KIAA0513: variants seen among roughly 807,000 people sequenced by gnomAD.
The protein encoded by KIAA0513 is KIAA0513, also known as uncharacterized protein KIAA0513.
A neutral mutation model predicts 56.5 loss-of-function variants in KIAA0513; 39 were observed. That is an observed-to-expected ratio of 0.69 (90% confidence interval 0.53 to 0.90). The LOEUF is 0.90. KIAA0513 is among the 40% of genes least tolerant of loss of function. The pLI is 0.00. For synonymous variants in KIAA0513, 268 were observed against 215.6 expected (o/e 1.24, Z -2.13); for missense variants, 591 against 535.2 (o/e 1.10, Z -1.03).
At chr16:85,030,156 C>T (rs1274740778) in intron 1 of KIAA0513, among the ~76,000 whole-genome samples, 2 of 152,224 alleles carry the variant, frequency 1.3e-5, no homozygotes, top group Non-Finnish European at 2.9e-5. Context: ...TTGAGGTAGT[C>T]TGCATGGACT....
intron 1 of KIAA0513, among the ~76,000 whole-genome samples, chr16:85,047,990 G>A (rs1329282881): frequency 6.6e-6 from 1 of 152,208 alleles, no homozygotes; most frequent in African/African-American, 2.4e-5. Context: ...GGCGGGGGTG[G>A]TGCTTACCCT....
intron 1 of KIAA0513, among the ~76,000 whole-genome samples, chr16:85,044,118 T>C (rs1284282870): frequency 6.6e-6 from 1 of 152,242 alleles, no homozygotes; most frequent in East Asian, 1.9e-4. Flanking sequence ...CTTAAAAACC[T>C]CAATAGGACA....
chr16:85,038,729 ATAAT>A (rs1597590841), intron 1 of KIAA0513, among the ~76,000 whole-genome samples: 3 of 122,736 alleles, frequency 2.4e-5, no homozygotes, highest in African/African-American at 1.1e-4. Context: ...AAAAATAATA[ATAAT>A]AATATCTTTG....
Position 85,047,803 on chromosome 16 carries a change from G to C in KIAA0513, c.-172-19097G>C, listed in dbSNP as rs184967595. On this transcript the variant is annotated intron_variant, in intron 1 of 12. Transcript: ENST00000683363. ...GCCTCTGGATATCGAGTTGTATTTA[G>C]TCCAGGCTGGGGATACCAGGGTCAG... 3.5e-3 allele frequency among the ~76,000 whole-genome samples: 527 copies of C among 152,278 alleles called. 2 individuals carry two copies. The highest frequency in any genetic ancestry group is 0.012 in the African/African-American group (502 of 41,560).
intron 1 of KIAA0513, among the ~76,000 whole-genome samples, chr16:85,035,640 G>T (rs1180095952): frequency 6.6e-6 from 1 of 152,124 alleles, no homozygotes; most frequent in Non-Finnish European, 1.5e-5. Flanking sequence ...ACAGGCATGT[G>T]CCACCATGCC....
chr16:85,046,951 T>C (rs1340982026), intron 1 of KIAA0513, among the ~76,000 whole-genome samples: 6 of 152,230 alleles, frequency 3.9e-5, no homozygotes, highest in Admixed American at 6.5e-5. Flanking sequence ...GATCATCTTT[T>C]CCCATGCGAG....
chr16:85,048,488 T>C (rs949827891), intron 1 of KIAA0513, among the ~76,000 whole-genome samples: 2 of 150,490 alleles, frequency 1.3e-5, no homozygotes, highest in Non-Finnish European at 1.5e-5. Context: ...AAAGCAGATC[T>C]CTCTCTCTCT....
intron 3 of KIAA0513, 96 bp from the exon 4 acceptor site, chr16:85,072,829 C>A: frequency 8.2e-7 from 1 of 1,213,194 alleles, no homozygotes; most frequent in Non-Finnish European, 1.2e-6. Context: ...ATCCCAGCTG[C>A]ATTTGGAAAC....
In KIAA0513 at chr16:85,076,058, G is replaced by A; in HGVS notation, c.574+144G>A. On this transcript the variant is annotated intron_variant, in intron 5 of 12. Coordinates refer to ENST00000683363, the MANE Select transcript of KIAA0513 (RefSeq NM_001388359.1). The surrounding 1 kb of genome is among the most constrained non-coding windows in gnomAD (Gnocchi z 4.7). ...GGAAGCTGATGTTAGGGAGGAGTGAGACTTCGGAGAAAACACAGTCCGAAT... is the reference window on the plus strand; with the variant it reads ...GGAAGCTGATGTTAGGGAGGAGTGAAACTTCGGAGAAAACACAGTCCGAAT... The A allele has an allele frequency of 4.6e-6, 3 of 645,352 alleles. No individual in the cohort carries two copies. Among genetic ancestry groups the A allele is most frequent in the Non-Finnish European group, 8.4e-6 (3 of 359,092 alleles). 40.0% of individuals were successfully genotyped at this position (645,352 alleles called of 1,614,324 possible). A position where few individuals can be genotyped will look rare whatever the true frequency, so the allele number is the denominator to read the frequency against.
intron 1 of KIAA0513, among the ~76,000 whole-genome samples, chr16:85,042,964 C>T (rs2073123350): frequency 6.6e-6 from 1 of 152,154 alleles, no homozygotes; most frequent in Non-Finnish European, 1.5e-5. Context: ...TTTTAGAAAA[C>T]TGTGATTGTA....
intron 1 of KIAA0513, among the ~76,000 whole-genome samples, chr16:85,048,799 A>G (rs1436400705): frequency 2.0e-5 from 3 of 152,242 alleles, no homozygotes; most frequent in Admixed American, 6.5e-5. Flanking sequence ...ACATGTATCA[A>G]CCAGATAAGG....
intron 1 of KIAA0513, among the ~76,000 whole-genome samples, chr16:85,036,295 C>G (rs2073035487): frequency 6.6e-6 from 1 of 152,162 alleles, no homozygotes; most frequent in Admixed American, 6.5e-5. Flanking sequence ...GTTTCCATCA[C>G]TCCATCAACG....
At chr16:85,084,095 T>C (rs1750052627) in intron 10 of KIAA0513, among the ~76,000 whole-genome samples, 1 of 142,286 alleles carries the variant, frequency 7.0e-6, no homozygotes, top group Non-Finnish European at 1.5e-5. Context: ...GGAGTCTCGC[T>C]CTGTTGCCCA....
At position 85,090,962 on chromosome 16, in the gene KIAA0513, T is replaced by C. The variant is rs2073861528; in HGVS notation, c.*2637T>C. On this transcript the variant is annotated 3_prime_UTR_variant, in exon 13 of 13. Coordinates refer to ENST00000683363, the MANE Select transcript of KIAA0513 (RefSeq NM_001388359.1). ...GAGCAAGCAGACCCAGCCACACTGC[T>C]CAAAGGTCCCTGCGTGGGGAGGTGT... 6.6e-6 allele frequency: 1 copy of C among 152,206 alleles called. No homozygotes were observed. Among genetic ancestry groups the C allele is most frequent in the Non-Finnish European group, 1.5e-5 (1 of 68,066 alleles). 9.4% of individuals were successfully genotyped at this position (152,206 alleles called of 1,614,324 possible).
intron 1 of KIAA0513, among the ~76,000 whole-genome samples, chr16:85,064,997 T>C (rs1391705680): frequency 3.9e-5 from 6 of 152,240 alleles, no homozygotes; most frequent in Non-Finnish European, 7.3e-5. Flanking sequence ...TAATTGTATT[T>C]CCTCTTGCGT....
At chr16:85,046,833 C>T (rs1182730720) in intron 1 of KIAA0513, among the ~76,000 whole-genome samples, 1 of 152,134 alleles carries the variant, frequency 6.6e-6, no homozygotes, top group African/African-American at 2.4e-5. Flanking sequence ...CTCATCATTC[C>T]CTTTATGTTA....
Position 85,077,589 on chromosome 16 carries a change from G to T in KIAA0513, c.739G>T (p.Gly247Trp). The T allele has an allele frequency of 1.2e-6, 2 of 1,613,980 alleles. No individual in the cohort carries two copies. Among genetic ancestry groups the T allele is most frequent in the East Asian group, 2.2e-5 (1 of 44,878 alleles). The change falls in exon 6 of 13, where the codon GGG becomes TGG. Residue 247 changes from glycine to tryptophan, a missense_variant. Transcript: ENST00000683363. Reference sequence around the variant, plus strand: ...TGAGAATGTCAAGGGCTTCTTCGGGGGGCTGGAGACCAAGCTGAAGGGGCC... The same window carrying T: ...TGAGAATGTCAAGGGCTTCTTCGGGTGGCTGGAGACCAAGCTGAAGGGGCC... Reference protein sequence around the residue: ...RTENVKGFFGGLETKLKGPLA... With the variant: ...RTENVKGFFGWLETKLKGPLA...
chr16:85,058,069 C>A (rs973931505), intron 1 of KIAA0513, among the ~76,000 whole-genome samples: 2 of 152,224 alleles, frequency 1.3e-5, no homozygotes, highest in African/African-American at 4.8e-5. Context: ...AATTCTCCCT[C>A]CCCGGTGACT....
At chr16:85,027,978 G>C (rs1340343868) in intron 1 of KIAA0513, 120 bp downstream of exon 1, 1 of 152,254 alleles carries the variant, frequency 6.6e-6, no homozygotes, top group Non-Finnish European at 1.5e-5. Flanking sequence ...GCGCCGTGGG[G>C]CGAGGGGCGC....
Sources: allele counts gnomAD v4.1 joint callset (sites outside exome capture counted in the v4.1 genomes callset), GRCh38; gene constraint gnomAD v4.1.1; non-coding constraint Gnocchi (gnomAD v3.1); transcripts MANE v1.5; gene names NCBI Gene and HGNC (gene_info 2026-07-23, HGNC 2026-07-21).